RBFOX1: variants seen among roughly 807,000 people sequenced by gnomAD.
The protein encoded by RBFOX1 is RNA binding protein fox-1 homolog 1.
A neutral mutation model predicts 57.7 loss-of-function variants in RBFOX1; 8 were observed. The observed-to-expected ratio is 0.14, with a 90% CI of 0.08 to 0.25. The LOEUF is 0.25. Ranked by LOEUF, RBFOX1 falls within the 10% of genes least tolerant of loss-of-function variation. The pLI, the probability that RBFOX1 is intolerant of heterozygous loss-of-function variation, is 1.00. For missense variants in RBFOX1, 611 were observed against 548.5 expected (o/e 1.11, Z -1.14); for synonymous variants, 326 against 222.4 (o/e 1.47, Z -4.15).
At chr16:6,396,763 C>T (rs2092852802) in intron 2 of RBFOX1, among the ~76,000 whole-genome samples, 1 of 151,972 alleles carries the variant, frequency 6.6e-6, no homozygotes, top group African/African-American at 2.4e-5. Context: ...AAACATTACT[C>T]ATAGTCATGA....
chr16:6,927,607 A>C (rs539708053), intron 3 of RBFOX1, among the ~76,000 whole-genome samples: 1 of 152,016 alleles, frequency 6.6e-6, no homozygotes, highest in Admixed American at 6.6e-5. Flanking sequence ...AAAGTACCTG[A>C]CATTTAGCAG....
At chr16:7,525,161 C>T (rs149533189) in intron 5 of RBFOX1, among the ~76,000 whole-genome samples, 108 of 152,248 alleles carry the variant, frequency 7.1e-4, no homozygotes, top group African/African-American at 2.4e-3. Context: ...CTAATTCAAT[C>T]TTTATATCTT....
At chr16:5,654,906 C>G (rs2049374947) in intron 3 of RBFOX1, among the ~76,000 whole-genome samples, 1 of 152,054 alleles carries the variant, frequency 6.6e-6, no homozygotes, top group Non-Finnish European at 1.5e-5. Context: ...ATGAAATGCT[C>G]TCTTCTCATC....
intron 2 of RBFOX1, among the ~76,000 whole-genome samples, chr16:6,469,552 G>A (rs995728481): frequency 3.9e-5 from 6 of 152,188 alleles, no homozygotes; most frequent in Non-Finnish European, 7.3e-5. Flanking sequence ...AGATGCAAAT[G>A]CTCGGAGGTA....
intron 3 of RBFOX1, among the ~76,000 whole-genome samples, chr16:6,936,554 T>C (rs1415292779): frequency 6.6e-6 from 1 of 152,120 alleles, no homozygotes; most frequent in African/African-American, 2.4e-5. Context: ...AGGGCTACAT[T>C]TTTTTCATTG....
At chr16:6,590,257 C>T (rs570754418) in intron 2 of RBFOX1, among the ~76,000 whole-genome samples, 3 of 152,154 alleles carry the variant, frequency 2.0e-5, no homozygotes, top group African/African-American at 7.2e-5. Context: ...TCATGATCCT[C>T]AGAAATTGTA....
intron 2 of RBFOX1, among the ~76,000 whole-genome samples, chr16:6,408,085 A>G (rs183856811): frequency 2.0e-5 from 3 of 152,102 alleles, no homozygotes; most frequent in Non-Finnish European, 2.9e-5. Context: ...TCTATAAGAA[A>G]TGGGCCTTCA....
intron 4 of RBFOX1, among the ~76,000 whole-genome samples, chr16:5,896,963 A>G (rs1355705352): frequency 1.7e-5 from 2 of 121,148 alleles, no homozygotes; most frequent in Non-Finnish European, 3.6e-5. Flanking sequence ...TACCCCCGCT[A>G]TTTTTTTAAA....
Position 6,019,643 on chromosome 16 carries a change from C to T in RBFOX1, c.-476C>T, listed in dbSNP as rs1442319216. 7.7e-5 allele frequency: 100 copies of T among 1,294,294 alleles called. No individual in the cohort carries two copies. The highest frequency in any genetic ancestry group is 9.5e-5 in the Non-Finnish European group (97 of 1,020,886). The allele number at this position is 1,294,294 out of a possible 1,614,324, so 80.2% of individuals were successfully genotyped here. ...AGCACCCCACATCTGGAGGGGACAGCCAGCCGTGGGCCCCGCCCCGGCGTC... is the reference window on the plus strand; with the variant it reads ...AGCACCCCACATCTGGAGGGGACAGTCAGCCGTGGGCCCCGCCCCGGCGTC... On this transcript the variant is annotated 5_prime_UTR_variant, in exon 1 of 16. Coordinates refer to ENST00000550418, the MANE Select transcript of RBFOX1 (RefSeq NM_018723.4). This position sits in a 1 kb window ranked among gnomAD's most constrained non-coding sequence, Gnocchi z 4.2.
At chr16:5,552,579 A>T (rs1477283898) in intron 2 of RBFOX1, among the ~76,000 whole-genome samples, 2 of 152,180 alleles carry the variant, frequency 1.3e-5, no homozygotes, top group Non-Finnish European at 2.9e-5. Flanking sequence ...CAGGAATTTC[A>T]AACTGTCAGA....
chr16:6,199,395 T>C (rs2097201007), intron 1 of RBFOX1, among the ~76,000 whole-genome samples: 1 of 152,286 alleles, frequency 6.6e-6, no homozygotes, highest in East Asian at 1.9e-4. Context: ...GTGACCATAG[T>C]CTCCCAAACT....
rs1555478562 is a variant in RBFOX1, at chr16:6,029,791, A to AG, written c.-127+9803dup. Among the ~76,000 whole-genome samples, 178 of 149,040 alleles carry AG rather than the reference A, an allele frequency of 1.2e-3. 1 individual carries two copies. The Middle Eastern group carries it at 0.021, about 17-fold the overall frequency. On this transcript the variant is annotated intron_variant, in intron 1 of 15. Transcript: ENST00000550418. ...CCGTCTCAAAAAAAAAAAAAAAAAA[A>AG]GGGGAAAGAAAAACATGTTATTGAA...
At chr16:7,548,037 A>G (rs1386888236) in intron 5 of RBFOX1, among the ~76,000 whole-genome samples, 1 of 152,246 alleles carries the variant, frequency 6.6e-6, no homozygotes, top group Non-Finnish European at 1.5e-5. Flanking sequence ...GACACTCTGT[A>G]AACAGAAAAT....
intron 4 of RBFOX1, among the ~76,000 whole-genome samples, chr16:7,513,004 C>G (rs757917959): frequency 6.6e-6 from 1 of 152,306 alleles, no homozygotes; most frequent in South Asian, 2.1e-4. Flanking sequence ...TGGCTCATGT[C>G]TGTAATCCCA....
chr16:7,125,601 C>T (rs1381242964), intron 4 of RBFOX1, among the ~76,000 whole-genome samples: 1 of 152,118 alleles, frequency 6.6e-6, no homozygotes, highest in Non-Finnish European at 1.5e-5. Flanking sequence ...CATCTCATTT[C>T]ATCATCGCAA....
At chr16:7,321,805 C>A (rs1393889332) in intron 4 of RBFOX1, among the ~76,000 whole-genome samples, 1 of 152,158 alleles carries the variant, frequency 6.6e-6, no homozygotes, top group African/African-American at 2.4e-5. Flanking sequence ...CCAGGGTGTC[C>A]CACAAGGACA....
intron 2 of RBFOX1, among the ~76,000 whole-genome samples, chr16:5,526,081 A>G (rs2044233316): frequency 1.3e-5 from 2 of 152,160 alleles, no homozygotes; most frequent in Admixed American, 1.3e-4. Flanking sequence ...ATGTGTAGAC[A>G]GTACCAGCCC....
At chr16:7,667,116 A>G (rs919745893) in intron 13 of RBFOX1, among the ~76,000 whole-genome samples, 9 of 152,228 alleles carry the variant, frequency 5.9e-5, no homozygotes, top group African/African-American at 2.2e-4. Context: ...TTCCTGCAAT[A>G]TGAATTTAGA....
chr16:7,494,105 G>A (rs2067809497), intron 4 of RBFOX1, among the ~76,000 whole-genome samples: 1 of 152,146 alleles, frequency 6.6e-6, no homozygotes. Flanking sequence ...AATGTCTAGT[G>A]GGGGAGCTAT....
Sources: gnomAD v4.1 joint callset for allele counts (sites outside exome capture counted in the v4.1 genomes callset) on GRCh38, gnomAD v4.1.1 for gene constraint, Gnocchi (gnomAD v3.1) non-coding constraint, MANE v1.5 for transcripts, NCBI Gene and HGNC (gene_info 2026-07-23, HGNC 2026-07-21) for gene names.